Variants in EPHA6 observed in about 807,000 individuals in gnomAD.
EPHA6 encodes the protein EPH receptor A6, also known as ephrin type-A receptor 6.
In EPHA6, 50 loss-of-function variants were observed where a neutral mutation model predicts 112.0. That is an observed-to-expected ratio of 0.45 (90% CI 0.36 to 0.56). The LOEUF is 0.56. Among genes scored for constraint, EPHA6 ranks in the 20% least tolerant of loss-of-function variants. The pLI, the probability that EPHA6 is intolerant of heterozygous loss-of-function variation, is 0.00. For synonymous variants in EPHA6, 529 were observed against 490.7 expected (o/e 1.08, Z -1.03); for missense variants, 1,280 against 1,417.4 (o/e 0.90, Z 1.56).
chr3:96,995,335 A>G (rs1182845108), intron 3 of EPHA6, among the ~76,000 whole-genome samples: 1 of 152,220 alleles, frequency 6.6e-6, no homozygotes, highest in Non-Finnish European at 1.5e-5. Context: ...GGGATCAGAA[A>G]AAAAGGGCAG....
At chr3:97,124,780 A>ATG (rs1307732186) in intron 3 of EPHA6, among the ~76,000 whole-genome samples, 1 of 152,156 alleles carries the variant, frequency 6.6e-6, no homozygotes, top group Non-Finnish European at 1.5e-5. Flanking sequence ...AAATGCAGAA[A>ATG]TGTGTGCTCT....
Position 97,693,012 on chromosome 3 carries a change from T to C in EPHA6, c.2785-27249T>C, listed in dbSNP as rs537441754. ...AATGTTTACATTGCAGCTATGCTGG[T>C]GTCTCGGAGAAGGACACGTGTGGTT... is the stretch of plus-strand genomic sequence containing the variant. On this transcript the variant is annotated intron_variant, in intron 14 of 17. Transcript: ENST00000389672. Among the ~76,000 whole-genome samples, 4 of 152,356 alleles carry C rather than the reference T, an allele frequency of 2.6e-5. No homozygotes were observed. The East Asian group carries it at 5.8e-4, about 22-fold the overall frequency.
At chr3:97,277,556 A>G (rs2080134029) in intron 5 of EPHA6, among the ~76,000 whole-genome samples, 1 of 152,222 alleles carries the variant, frequency 6.6e-6, no homozygotes, top group South Asian at 2.1e-4. Context: ...TGACAGATAT[A>G]GCCTACTCCA....
chr3:97,512,565 GATT>G (rs1368772947), intron 10 of EPHA6, among the ~76,000 whole-genome samples: 2 of 151,924 alleles, frequency 1.3e-5, no homozygotes, highest in Non-Finnish European at 2.9e-5. Flanking sequence ...TGAAAATACT[GATT>G]ATTATTATTG....
At chr3:96,930,683 C>A (rs2040268036) in intron 2 of EPHA6, among the ~76,000 whole-genome samples, 1 of 151,968 alleles carries the variant, frequency 6.6e-6, no homozygotes. Flanking sequence ...GGAACAGGGT[C>A]AGTAACCTGC....
chr3:97,482,787 C>A (rs888166230), intron 9 of EPHA6, among the ~76,000 whole-genome samples: 4 of 152,126 alleles, frequency 2.6e-5, no homozygotes, highest in Admixed American at 1.3e-4. Context: ...GCAACAAAAC[C>A]AAATACCATC....
intron 5 of EPHA6, among the ~76,000 whole-genome samples, chr3:97,390,457 TA>T (rs2086334990): frequency 6.6e-6 from 1 of 151,380 alleles, no homozygotes; most frequent in African/African-American, 2.4e-5. Context: ...TTCATATATA[TA>T]TATTATATAT....
At chr3:97,712,615 A>C (rs2034025654) in intron 14 of EPHA6, among the ~76,000 whole-genome samples, 1 of 152,224 alleles carries the variant, frequency 6.6e-6, no homozygotes, top group Non-Finnish European at 1.5e-5. Context: ...CCACTTTTAC[A>C]GATGTCCCCC....
intron 2 of EPHA6, among the ~76,000 whole-genome samples, chr3:96,983,419 T>A (rs537906829): frequency 2.0e-4 from 30 of 152,288 alleles, no homozygotes; most frequent in African/African-American, 6.7e-4. Context: ...TGCGGAGAGA[T>A]CAGCTGTTAG....
chr3:97,106,582 TC>T (rs2047576528), intron 3 of EPHA6, among the ~76,000 whole-genome samples: 1 of 152,110 alleles, frequency 6.6e-6, no homozygotes, highest in Non-Finnish European at 1.5e-5. Context: ...GTACTCATTT[TC>T]CAAGCCCACT....
chr3:96,896,399 C>T (rs985331255), intron 2 of EPHA6, among the ~76,000 whole-genome samples: 1 of 152,132 alleles, frequency 6.6e-6, no homozygotes, highest in Non-Finnish European at 1.5e-5. Flanking sequence ...ACAGCACTTT[C>T]TTTGTTTACT....
In EPHA6 at chr3:97,200,518, T is replaced by C. The variant is rs187093977; in HGVS notation, c.1115-25746T>C. ...CTCAGTAAATTATATATTTCTGTCCTGTGGTGGTTTCAACCTGGCAACCTC... is the reference window on the plus strand; with the variant it reads ...CTCAGTAAATTATATATTTCTGTCCCGTGGTGGTTTCAACCTGGCAACCTC... On this transcript the variant is annotated intron_variant, in intron 3 of 17. Coordinates refer to ENST00000389672, the MANE Select transcript of EPHA6 (RefSeq NM_001080448.3). Among the ~76,000 whole-genome samples the C allele has an allele frequency of 1.1e-3, 162 of 152,246 alleles. 2 individuals carry two copies. Among genetic ancestry groups the C allele is most frequent in the African/African-American group, 3.7e-3 (154 of 41,560 alleles).
intron 15 of EPHA6, among the ~76,000 whole-genome samples, chr3:97,735,663 AG>A (rs2035221346): frequency 6.6e-6 from 1 of 151,994 alleles, no homozygotes; most frequent in African/African-American, 2.4e-5. Context: ...TTATTTCTTA[AG>A]GTTGTAGGGA....
intron 5 of EPHA6, among the ~76,000 whole-genome samples, chr3:97,253,530 T>G (rs9878987): frequency 0.21 from 31,346 of 152,138 alleles, 7,938 homozygotes; most frequent in African/African-American, 0.58. Flanking sequence ...AAATAATTAT[T>G]ACAGAAATTG....
At chr3:97,105,047 G>A (rs968445254) in intron 3 of EPHA6, among the ~76,000 whole-genome samples, 3 of 150,396 alleles carry the variant, frequency 2.0e-5, no homozygotes, top group East Asian at 2.0e-4. Flanking sequence ...TTCTTTACTA[G>A]TCTAGCTAGC....
At chr3:97,253,277 C>A (rs1576776811) in intron 5 of EPHA6, among the ~76,000 whole-genome samples, 1 of 152,150 alleles carries the variant, frequency 6.6e-6, no homozygotes, top group East Asian at 1.9e-4. Flanking sequence ...TGAAAGAAAG[C>A]CTAGTTGTTT....
chr3:97,169,344 C>T (rs1279036990), intron 3 of EPHA6, among the ~76,000 whole-genome samples: 1 of 152,158 alleles, frequency 6.6e-6, no homozygotes, highest in African/African-American at 2.4e-5. Flanking sequence ...ATAGCAGGTT[C>T]TCCACTTTGA....
chr3:96,974,752 A>C (rs1220097437), intron 2 of EPHA6, among the ~76,000 whole-genome samples: 1 of 152,102 alleles, frequency 6.6e-6, no homozygotes, highest in Non-Finnish European at 1.5e-5. Context: ...TCTCTTGTTC[A>C]ATGAAAGCTT....
intron 13 of EPHA6, among the ~76,000 whole-genome samples, chr3:97,627,026 C>A (rs1046447930): frequency 1.3e-5 from 2 of 151,794 alleles, no homozygotes; most frequent in Non-Finnish European, 2.9e-5. Context: ...GTCATTATTC[C>A]AGTCCCATGC....
Sources: allele counts gnomAD v4.1 joint callset (sites outside exome capture counted in the v4.1 genomes callset), GRCh38; gene constraint gnomAD v4.1.1; transcripts MANE v1.5; gene names NCBI Gene and HGNC (gene_info 2026-07-23, HGNC 2026-07-21).